PTPRQ: variants seen among roughly 807,000 people sequenced by gnomAD.
The protein encoded by PTPRQ is phosphatidylinositol phosphatase PTPRQ.
A neutral mutation model predicts 246.0 loss-of-function variants in PTPRQ; 199 were observed. The observed-to-expected ratio is 0.81, with a 90% CI of 0.72 to 0.91. The LOEUF (loss-of-function observed/expected upper bound fraction) is 0.91. PTPRQ is among the 40% of genes least tolerant of loss of function. The pLI, the probability that PTPRQ is intolerant of heterozygous loss-of-function variation, is 0.00. For synonymous variants in PTPRQ, 869 were observed against 853.2 expected (o/e 1.02, Z -0.32); for missense variants, 2,624 against 2,528.4 (o/e 1.04, Z -0.81).
chr12:80,624,091 A>G (rs1899104585), intron 33 of PTPRQ, among the ~76,000 whole-genome samples: 1 of 152,130 alleles, frequency 6.6e-6, no homozygotes, highest in East Asian at 1.9e-4. Flanking sequence ...TGGAAGTATA[A>G]CCACTGCCAC....
chr12:80,532,603 A>C (rs1372261702), intron 17 of PTPRQ, among the ~76,000 whole-genome samples: 7 of 152,058 alleles, frequency 4.6e-5, no homozygotes, highest in African/African-American at 1.7e-4. Context: ...AAGAGTATGG[A>C]ATTAGGTAGT....
intron 17 of PTPRQ, among the ~76,000 whole-genome samples, chr12:80,519,263 T>A (rs1895398869): frequency 6.6e-6 from 1 of 152,190 alleles, no homozygotes; most frequent in Admixed American, 6.6e-5. Context: ...AATCTTGAGT[T>A]ATTAACTGTT....
rs150523711 is a variant in PTPRQ at position 80,604,999 on chromosome 12, T to C, written c.4610-60T>C. On this transcript the variant is annotated intron_variant, in intron 26 of 44. Coordinates refer to ENST00000644991, the MANE Select transcript of PTPRQ (RefSeq NM_001145026.2). Reference sequence around the variant, plus strand: ...CCATTTTTCATGGTCTTTTCTATTATTGTGCTGTAGCAAGTACTAATTCTA... The same window carrying C: ...CCATTTTTCATGGTCTTTTCTATTACTGTGCTGTAGCAAGTACTAATTCTA... 6.1e-3 allele frequency: 8,654 copies of C among 1,416,080 alleles called. 33 individuals are homozygous for C. Among genetic ancestry groups the C allele is most frequent in the Non-Finnish European group, 6.8e-3 (7,336 of 1,077,904 alleles). 87.7% of individuals were successfully genotyped at this position (1,416,080 alleles called of 1,614,324 possible). A position where few individuals can be genotyped will look rare whatever the true frequency, so the allele number is the denominator to read the frequency against.
At chr12:80,471,491 T>TTTTC (rs1893626598) in intron 7 of PTPRQ, among the ~76,000 whole-genome samples, 1 of 39,928 alleles carries the variant, frequency 2.5e-5, no homozygotes, top group Admixed American at 2.5e-4. Flanking sequence ...TTTTTTTTTT[T>TTTTC]ATTTGAGACA....
chr12:80,595,738 C>G (rs554189241), intron 26 of PTPRQ, among the ~76,000 whole-genome samples: 1 of 147,384 alleles, frequency 6.8e-6, no homozygotes, highest in African/African-American at 2.5e-5. Context: ...ACAACAGTCC[C>G]CAGAGTGTGA....
chr12:80,568,806 C>A (rs759905776), intron 25 of PTPRQ, among the ~76,000 whole-genome samples: 13 of 152,178 alleles, frequency 8.5e-5, no homozygotes, highest in Non-Finnish European at 1.3e-4. Context: ...AGATTTTGAA[C>A]AAAGTGATGT....
chr12:80,519,043 G>A (rs1565759595), intron 17 of PTPRQ, among the ~76,000 whole-genome samples: 3 of 152,030 alleles, frequency 2.0e-5, no homozygotes, highest in Non-Finnish European at 4.4e-5. Flanking sequence ...AGATTGCATT[G>A]CATCTGTAGA....
intron 25 of PTPRQ, chr12:80,561,185 G>C (rs1809545810): frequency 6.6e-6 from 1 of 152,192 alleles, no homozygotes; most frequent in Non-Finnish European, 1.5e-5. Context: ...ACTTGTCAGA[G>C]AGGAAATTTG....
Position 80,453,189 on chromosome 12 carries a change from G to A in PTPRQ, c.391-4386G>A, listed in dbSNP as rs528421945. Reference sequence around the variant, plus strand: ...CTGAGGCTTCTGCATTCTTCACGTAGTTTTCGAGCCTTGGCTTTCAGCTCC... The same window carrying A: ...CTGAGGCTTCTGCATTCTTCACGTAATTTTCGAGCCTTGGCTTTCAGCTCC... On this transcript the variant is annotated intron_variant, in intron 3 of 44. Transcript: ENST00000644991. Among the ~76,000 whole-genome samples, 186 of 152,148 alleles carry A rather than the reference G, an allele frequency of 1.2e-3. 1 individual carries two copies. Among genetic ancestry groups the A allele is most frequent in the Non-Finnish European group, 1.7e-3 (113 of 68,022 alleles).
intron 41 of PTPRQ, among the ~76,000 whole-genome samples, chr12:80,669,694 T>C (rs550421186): frequency 1.3e-5 from 2 of 152,132 alleles, no homozygotes; most frequent in South Asian, 4.1e-4. Flanking sequence ...CCAATTAGCA[T>C]CACATTCTTA....
intron 35 of PTPRQ, among the ~76,000 whole-genome samples, chr12:80,641,604 A>G (rs1899857620): frequency 6.6e-6 from 1 of 152,216 alleles, no homozygotes; most frequent in African/African-American, 2.4e-5. Context: ...AAAATACTTT[A>G]ATGAAAATAC....
chr12:80,589,877 C>G (rs1483382797), intron 26 of PTPRQ, among the ~76,000 whole-genome samples: 41 of 152,250 alleles, frequency 2.7e-4, no homozygotes, highest in Non-Finnish European at 4.4e-5. Flanking sequence ...TAACTGTAAG[C>G]ATTGGAGAGA....
chr12:80,450,567 A>T (rs1007375697), intron 3 of PTPRQ, among the ~76,000 whole-genome samples: 1 of 151,898 alleles, frequency 6.6e-6, no homozygotes, highest in African/African-American at 2.4e-5. Context: ...TACCTAATTT[A>T]TTGAGAGTTT....
intron 27 of PTPRQ, among the ~76,000 whole-genome samples, chr12:80,608,147 G>T (rs886750111): frequency 4.7e-5 from 7 of 149,966 alleles, no homozygotes; most frequent in Admixed American, 4.0e-4. Flanking sequence ...GGTAGGAAGA[G>T]AAAAAAAATA....
intron 2 of PTPRQ, among the ~76,000 whole-genome samples, chr12:80,445,056 A>AT (rs528260554): frequency 5.5e-4 from 84 of 151,994 alleles, no homozygotes; most frequent in African/African-American, 1.9e-3. Flanking sequence ...TGCAAAGATA[A>AT]TTACTCTATA....
chr12:80,595,528 T>C (rs965540971), intron 26 of PTPRQ, among the ~76,000 whole-genome samples: 7 of 152,254 alleles, frequency 4.6e-5, no homozygotes, highest in African/African-American at 1.7e-4. Context: ...TCATGTTTGA[T>C]ATATTCAGCT....
At chr12:80,534,381 T>C (rs558487224) in intron 18 of PTPRQ, among the ~76,000 whole-genome samples, 3 of 152,178 alleles carry the variant, frequency 2.0e-5, no homozygotes, top group African/African-American at 7.2e-5. Flanking sequence ...ATTGGTAATG[T>C]GGAAACAGTA....
At chr12:80,470,598 G>A (rs1893593317) in intron 7 of PTPRQ, among the ~76,000 whole-genome samples, 2 of 152,180 alleles carry the variant, frequency 1.3e-5, no homozygotes, top group Admixed American at 1.3e-4. Context: ...TCAATTAATG[G>A]CTTTGTGCTG....
At chr12:80,485,032 G>T (rs1894227569) in intron 9 of PTPRQ, among the ~76,000 whole-genome samples, 2 of 151,732 alleles carry the variant, frequency 1.3e-5, no homozygotes, top group African/African-American at 4.8e-5. Flanking sequence ...ATTTGGTCTT[G>T]GGAAGCTAAA....
Sources: allele counts gnomAD v4.1 joint callset (sites outside exome capture counted in the v4.1 genomes callset), GRCh38; gene constraint gnomAD v4.1.1; transcripts MANE v1.5; gene names NCBI Gene and HGNC (gene_info 2026-07-23, HGNC 2026-07-21).